Variants in TAS2R38 observed in about 807,000 individuals in gnomAD.
TAS2R38 encodes taste 2 receptor member 38.
In TAS2R38, 11 loss-of-function variants were observed where a neutral mutation model predicts 16.4. That is an observed-to-expected ratio of 0.67 (90% CI 0.42 to 1.11). The LOEUF is 1.11. Among genes scored for constraint, TAS2R38 ranks in the 50% least tolerant of loss-of-function variants. The pLI is 0.00. For missense variants in TAS2R38, 364 were observed against 395.8 expected (o/e 0.92, Z 0.68); for synonymous variants, 149 against 155.6 (o/e 0.96, Z 0.32).
rs782270930 is a variant in TAS2R38 at position 141,973,405 on chromosome 7, G to T, written c.285C>A (p.Ile95=). 1.2e-6 allele frequency: 2 copies of T among 1,614,112 alleles called. No individual in the cohort carries two copies. The highest frequency in any genetic ancestry group is 1.7e-6 in the Non-Finnish European group (2 of 1,180,018). ...SEPLNHSYQA[I]IMLWMIANQA... is the part of the protein sequence containing the mutation. ...GGTTTGCAATCATCCATAGCATGATGATGGCTTGGTAGCTGTGGTTCAGTG... is the reference window on the plus strand; with the variant it reads ...GGTTTGCAATCATCCATAGCATGATTATGGCTTGGTAGCTGTGGTTCAGTG... Residue 95 remains isoleucine (I), a synonymous_variant, in exon 1 of 1, where the codon ATC becomes ATA. Coordinates refer to ENST00000547270, the MANE Select transcript of TAS2R38 (RefSeq NM_176817.5).
rs1803410865 is a variant in TAS2R38, at chr7:141,973,761, C to G, written c.-72G>C. 3 of 1,525,868 alleles carry G rather than the reference C, an allele frequency of 2.0e-6. No homozygotes were observed. The Admixed American group carries it at 5.5e-5, about 28-fold the overall frequency. The allele number at this position is 1,525,868 out of a possible 1,614,324, so 94.5% of individuals were successfully genotyped here. On this transcript the variant is annotated 5_prime_UTR_variant, in exon 1 of 1. Transcript: ENST00000547270. Reference sequence around the variant, plus strand: ...CTAATCTAAAGACCTGGTTGCCACCCAGTGCAGAAAGGTAAATGTACGTTC... The same window carrying G: ...CTAATCTAAAGACCTGGTTGCCACCGAGTGCAGAAAGGTAAATGTACGTTC...
rs373253461 is a variant in TAS2R38 at position 141,973,339 on chromosome 7, G to A, written c.351C>T (p.Tyr117=). The A allele has an allele frequency of 1.2e-6, 2 of 1,613,912 alleles. No homozygotes were observed. The highest frequency in any genetic ancestry group is 2.7e-5 in the African/African-American group (2 of 74,890). Reference sequence around the variant, plus strand: ...GAGAGAAACGGATGAGCTTGGAGCAGTAAAGCAGGCTGAGGCAGGCAGCAA... The same window carrying A: ...GAGAGAAACGGATGAGCTTGGAGCAATAAAGCAGGCTGAGGCAGGCAGCAA... ...LWLAACLSLL[Y]CSKLIRFSHT... is the part of the protein sequence containing the mutation. Residue 117 remains tyrosine, a synonymous_variant, in exon 1 of 1, where the codon TAC becomes TAT. Transcript: ENST00000547270.
In TAS2R38 at chr7:141,973,345, C is replaced by CAGGCTGAGGCAGGCAGCA; in HGVS notation, c.327_344dup (p.Ala110_Leu115dup). The stretch of plus-strand genomic sequence containing the variant: ...AACGGATGAGCTTGGAGCAGTAAAG[C>CAGGCTGAGGCAGGCAGCA]AGGCTGAGGCAGGCAGCAAGCCAGA... On this transcript the variant is annotated inframe_insertion, in exon 1 of 1. Transcript: ENST00000547270. The CAGGCTGAGGCAGGCAGCA allele has an allele frequency of 6.2e-7, 1 of 1,614,032 alleles. No individual in the cohort carries two copies. Among genetic ancestry groups the CAGGCTGAGGCAGGCAGCA allele is most frequent in the South Asian group, 1.1e-5 (1 of 91,072 alleles).
rs782376032 is a variant in TAS2R38 at position 141,973,001 on chromosome 7, T to C, written c.689A>G (p.Tyr230Cys). 25 of 1,613,986 alleles carry C rather than the reference T, an allele frequency of 1.5e-5. No individual in the cohort carries two copies. The highest frequency in any genetic ancestry group is 2.0e-5 in the Non-Finnish European group (24 of 1,180,026). Residue 230 changes from tyrosine (Y) to cysteine (C), a missense_variant, in exon 1 of 1, where the codon TAT (tyrosine) becomes TGT (cysteine). Transcript: ENST00000547270. ...LGRHMRTMKV[Y>C]TRNSRDPSLE... ...GCTGGGGTCACGAGAGTTTCTGGTA[T>C]AGACCTTCATTGTCCTCATGTGCCT...
Position 141,972,746 on chromosome 7 carries a change from G to A in TAS2R38, c.944C>T (p.Ala315Val). Reference protein sequence around the residue: ...RRAVMTILLWAQSSLKVRADH... With the variant: ...RRAVMTILLWVQSSLKVRADH... ...GGCTCTTACCTTCAGGCTGCTCTGAGCCCAGAGCAGAATGGTCATCACAGC... is the reference window on the plus strand; with the variant it reads ...GGCTCTTACCTTCAGGCTGCTCTGAACCCAGAGCAGAATGGTCATCACAGC... Residue 315 changes from alanine to valine, a missense_variant, in exon 1 of 1, where the codon GCT becomes GTT. Coordinates refer to ENST00000547270, the MANE Select transcript of TAS2R38 (RefSeq NM_176817.5). The A allele has an allele frequency of 6.2e-7, 1 of 1,614,094 alleles. No individual in the cohort carries two copies. Among genetic ancestry groups the A allele is most frequent in the Non-Finnish European group, 8.5e-7 (1 of 1,180,008 alleles).
rs1554444412 is a variant in TAS2R38, at chr7:141,973,347, G to A, written c.343C>T (p.Leu115=). 6.2e-7 allele frequency: 1 copy of A among 1,614,080 alleles called. No individual in the cohort carries two copies. Among genetic ancestry groups the A allele is most frequent in the Admixed American group, 1.7e-5 (1 of 60,014 alleles). Residue 115 remains leucine (L), a synonymous_variant, in exon 1 of 1, where the codon CTG becomes TTG. Transcript: ENST00000547270. The part of the protein sequence containing the change: ...ANLWLAACLS[L]LYCSKLIRFS... ...CGGATGAGCTTGGAGCAGTAAAGCA[G>A]GCTGAGGCAGGCAGCAAGCCAGAGG...
At position 141,973,234 on chromosome 7, in the gene TAS2R38, GC is replaced by G; in HGVS notation, c.455del (p.Cys152SerfsTer25). 1 of 1,614,146 alleles carries G rather than the reference GC, an allele frequency of 6.2e-7. No homozygotes were observed. On this transcript the variant is annotated frameshift_variant, in exon 1 of 1. Coordinates refer to ENST00000547270, the MANE Select transcript of TAS2R38 (RefSeq NM_176817.5). LOFTEE classifies it high-confidence loss of function. ...QMLLGIILCSCICTVLCVWCF... is the reference protein window; with the variant it reads ...QMLLGIILCSXICTVLCVWCF... ...ACCAAACACAGAGGACAGTGCAGATGCAGGAGCAAAGAATAATACCCAGGAG... is the reference window on the plus strand; with the variant it reads ...ACCAAACACAGAGGACAGTGCAGATGAGGAGCAAAGAATAATACCCAGGAG...
chr7:141,973,469 C>G lies in TAS2R38; in HGVS notation c.221G>C (p.Ser74Thr). The G allele has an allele frequency of 1.2e-6, 2 of 1,614,102 alleles. No individual in the cohort carries two copies. The highest frequency in any genetic ancestry group is 1.7e-6 in the Non-Finnish European group (2 of 1,179,998). The change falls in exon 1 of 1, where the codon AGT becomes ACT. Residue 74 changes from serine (S) to threonine (T), a missense_variant. Physicochemically the swap from Ser to Thr is moderately conservative, Grantham distance 58. Coordinates refer to ENST00000547270, the MANE Select transcript of TAS2R38 (RefSeq NM_176817.5). ...RLFLHGLLFLSAIQLTHFQKL... is the reference protein window; with the variant it reads ...RLFLHGLLFLTAIQLTHFQKL... Reference sequence around the variant, plus strand: ...CTGGAAGTGGGTAAGCTGGATAGCACTCAGGAACAGCAGTCCATGCAGGAA... The same window carrying G: ...CTGGAAGTGGGTAAGCTGGATAGCAGTCAGGAACAGCAGTCCATGCAGGAA...
chr7:141,972,657 T>A lies in TAS2R38; in HGVS notation c.*31A>T, dbSNP rs1554444305. ...GCATATTTATGAAGACTCACAGGCG[T>A]ATTAATGAAGAGCTCATTTCATGTC... On this transcript the variant is annotated 3_prime_UTR_variant, in exon 1 of 1. Coordinates refer to ENST00000547270, the MANE Select transcript of TAS2R38 (RefSeq NM_176817.5). 6 of 1,564,646 alleles carry A rather than the reference T, an allele frequency of 3.8e-6. No homozygotes were observed. Among genetic ancestry groups the A allele is most frequent in the Non-Finnish European group, 5.2e-6 (6 of 1,154,824 alleles).
rs1803398424 is a variant in TAS2R38 at position 141,973,182 on chromosome 7, C to T, written c.508G>A (p.Val170Ile). 6.2e-7 allele frequency: 1 copy of T among 1,614,092 alleles called. No individual in the cohort carries two copies. The highest frequency in any genetic ancestry group is 8.5e-7 in the Non-Finnish European group (1 of 1,180,014). The change falls in exon 1 of 1, where the codon GTC (valine) becomes ATC (isoleucine). Residue 170 changes from valine to isoleucine, a missense_variant. Val to Ile is a conservative substitution (Grantham distance 29). Transcript: ENST00000547270. Reference protein sequence around the residue: ...WCFFSRPHFTVTTVLFMNNNT... With the variant: ...WCFFSRPHFTITTVLFMNNNT... ...TTATTCATGAATAGCACAGTTGTGA[C>T]TGTGAAGTGAGGTCTGCTAAAAAAG...
Sources: allele counts gnomAD v4.1 joint callset, GRCh38; gene constraint gnomAD v4.1.1; transcripts MANE v1.5; gene names NCBI Gene and HGNC (gene_info 2026-07-23, HGNC 2026-07-21).